Variants in STAT4 observed in about 807,000 individuals in gnomAD.
STAT4 encodes signal transducer and activator of transcription 4.
STAT4 carries 42 observed loss-of-function variants against 110.5 expected under a neutral mutation model. The ratio of observed to expected loss-of-function variants is 0.38; its 90% CI spans 0.30 to 0.49. The LOEUF (loss-of-function observed/expected upper bound fraction) is 0.49. Ranked by LOEUF, STAT4 falls within the 20% of genes least tolerant of loss-of-function variation. The pLI, the probability that STAT4 is intolerant of heterozygous loss-of-function variation, is 0.95. For missense variants in STAT4, 632 were observed against 887.9 expected (o/e 0.71, Z 3.66); for synonymous variants, 284 against 302.2 (o/e 0.94, Z 0.63).
At chr2:191,132,329 C>A (rs1246568792) in intron 3 of STAT4, among the ~76,000 whole-genome samples, 8 of 151,768 alleles carry the variant, frequency 5.3e-5, no homozygotes. Flanking sequence ...AAAAGTAAAC[C>A]AAGAACTTTA....
chr2:191,117,491 T>C lies in STAT4; in HGVS notation c.273+29122A>G, dbSNP rs1698603379. Among the ~76,000 whole-genome samples, 1 of 152,200 alleles carries C rather than the reference T, an allele frequency of 6.6e-6. No individual in the cohort carries two copies. The highest frequency in any genetic ancestry group is 1.5e-5 in the Non-Finnish European group (1 of 68,036). ...TATCTTTATTACTGTAAGTCGATTCTCATCTATCTAAAGTAATTGCAGCAT... is the reference window on the plus strand; with the variant it reads ...TATCTTTATTACTGTAAGTCGATTCCCATCTATCTAAAGTAATTGCAGCAT... On this transcript the variant is annotated intron_variant, in intron 3 of 23. Transcript: ENST00000392320. This position sits in a 1 kb window ranked among gnomAD's most constrained non-coding sequence, Gnocchi z 5.2.
rs1698362497 is a variant in STAT4, at chr2:191,109,276, GTTTTTTGT to G, written c.274-32959_274-32952del. ...AGAAACTTATAAAATATAATGACAGGTTTTTTGTTTTTTTGTTTTGTTTTGTTTTTTGT... is the reference window on the plus strand; with the variant it reads ...AGAAACTTATAAAATATAATGACAGGTTTTTTGTTTTGTTTTGTTTTTTGT... On this transcript the variant is annotated intron_variant, in intron 3 of 23. Transcript: ENST00000392320. 4.6e-5 allele frequency among the ~76,000 whole-genome samples: 7 copies of G among 151,758 alleles called. No individual in the cohort carries two copies. In the South Asian group the frequency reaches 1.5e-3, roughly 32 times the overall value.
chr2:191,082,605 T>A lies in STAT4; in HGVS notation c.274-6280A>T, dbSNP rs957518358. Among the ~76,000 whole-genome samples the A allele has an allele frequency of 3.3e-5, 5 of 152,258 alleles. No homozygotes were observed. The highest frequency in any genetic ancestry group is 2.0e-4 in the Admixed American group (3 of 15,284). On this transcript the variant is annotated intron_variant, in intron 3 of 23. Coordinates refer to ENST00000392320, the MANE Select transcript of STAT4 (RefSeq NM_003151.4). The surrounding 1 kb of genome is among the most constrained non-coding windows in gnomAD (Gnocchi z 4.7). ...GTGGAGAACAGTGTCATAGAATCCA[T>A]GAACATGCTATTTATTCTTTTTGCT...
intron 17 of STAT4, 80 bp from the exon 18 acceptor site, chr2:191,034,677 T>C (rs1695996770): frequency 1.9e-6 from 2 of 1,055,604 alleles, no homozygotes; most frequent in African/African-American, 1.6e-5. Flanking sequence ...ATATTTTGCC[T>C]CTTCCCTTTC....
chr2:191,093,782 CA>C (rs2125315202), intron 3 of STAT4, among the ~76,000 whole-genome samples: 1 of 152,276 alleles, frequency 6.6e-6, no homozygotes, highest in South Asian at 2.1e-4. Context: ...TCAGTAATAA[CA>C]AACTTCTCCG....
intron 3 of STAT4, among the ~76,000 whole-genome samples, chr2:191,100,004 T>C (rs1351450597): frequency 6.6e-6 from 1 of 152,170 alleles, no homozygotes; most frequent in Non-Finnish European, 1.5e-5. Context: ...AGATTTGCAT[T>C]ATTTAAGCAA....
At chr2:191,064,625 G>A (rs939917527) in intron 8 of STAT4, among the ~76,000 whole-genome samples, 182 bp downstream of exon 8, 2 of 152,156 alleles carry the variant, frequency 1.3e-5, no homozygotes, top group Non-Finnish European at 2.9e-5. Context: ...TTCCCCATGA[G>A]AATGAAAACT....
rs1699495724 is a variant in STAT4 at position 191,147,772 on chromosome 2, T to G, written c.128+304A>C. On this transcript the variant is annotated intron_variant, in intron 2 of 23. Coordinates refer to ENST00000392320, the MANE Select transcript of STAT4 (RefSeq NM_003151.4). This position sits in a 1 kb window ranked among gnomAD's most constrained non-coding sequence, Gnocchi z 4.1. Reference sequence around the variant, plus strand: ...CTGAGAAAAAAATATTGATTTACATTGAGTCTGTGATAGAGAACTGACAAT... The same window carrying G: ...CTGAGAAAAAAATATTGATTTACATGGAGTCTGTGATAGAGAACTGACAAT... Among the ~76,000 whole-genome samples the G allele has an allele frequency of 6.6e-6, 1 of 152,188 alleles. No homozygotes were observed. The highest frequency in any genetic ancestry group is 1.5e-5 in the Non-Finnish European group (1 of 68,022).
intron 6 of STAT4, chr2:191,068,092 G>C (rs1697044759): frequency 6.6e-6 from 1 of 152,086 alleles, no homozygotes; most frequent in African/African-American, 2.4e-5. Context: ...ATAATAGCTT[G>C]TTTCCCTTGT....
rs1282791346 is a variant in STAT4 at position 191,033,257 on chromosome 2, C to T, written c.1853-108G>A. ...ATGCCACTGGAGTGACTTGTCAGTT[C>T]ATGTCACTTCAATGTCAGACCTTCT... is the stretch of plus-strand genomic sequence containing the variant. On this transcript the variant is annotated intron_variant, in intron 20 of 23. Coordinates refer to ENST00000392320, the MANE Select transcript of STAT4 (RefSeq NM_003151.4). This position sits in a 1 kb window ranked among gnomAD's most constrained non-coding sequence, Gnocchi z 6.9. 2 of 1,244,290 alleles carry T rather than the reference C, an allele frequency of 1.6e-6. No homozygotes were observed. The highest frequency in any genetic ancestry group is 2.5e-5 in the East Asian group (1 of 40,426). The allele number at this position is 1,244,290 out of a possible 1,614,324, so 77.1% of individuals were successfully genotyped here.
rs1210280812 is a variant in STAT4, at chr2:191,060,205, T to G, written c.1035-1436A>C. On this transcript the variant is annotated intron_variant, in intron 10 of 23. Transcript: ENST00000392320. This position sits in a 1 kb window ranked among gnomAD's most constrained non-coding sequence, Gnocchi z 4.5. ...GCTGATTCAGAGTGCCTCTTCCACT[T>G]AGAATTTTTTTGCTAGGCAATCCCT... Among the ~76,000 whole-genome samples, 2 of 152,048 alleles carry G rather than the reference T, an allele frequency of 1.3e-5. No individual in the cohort carries two copies. The highest frequency in any genetic ancestry group is 2.9e-5 in the Non-Finnish European group (2 of 67,996).
chr2:191,043,078 C>T lies in STAT4; in HGVS notation c.1252-1930G>A, dbSNP rs553004476. 6.6e-5 allele frequency among the ~76,000 whole-genome samples: 10 copies of T among 152,288 alleles called. No homozygotes were observed. The South Asian group carries it at 1.2e-3, about 19-fold the overall frequency. The stretch of plus-strand genomic sequence containing the variant: ...ACAGGCGTGAGCCACTGCGCCCGGC[C>T]GTATTCTCTATTCCTGTATATATTT... On this transcript the variant is annotated intron_variant, in intron 14 of 23. Coordinates refer to ENST00000392320, the MANE Select transcript of STAT4 (RefSeq NM_003151.4). The surrounding 1 kb of genome is among the most constrained non-coding windows in gnomAD (Gnocchi z 4.8).
At chr2:191,034,190 A>G (rs367847149) in intron 18 of STAT4, among the ~76,000 whole-genome samples, 185 bp from the exon 19 acceptor site, 1 of 152,314 alleles carries the variant, frequency 6.6e-6, no homozygotes, top group East Asian at 1.9e-4. Flanking sequence ...TGGGAGGCCA[A>G]GGCGGGCAGA....
At chr2:191,075,621 T>G (rs551291883) in intron 4 of STAT4, among the ~76,000 whole-genome samples, 2 of 151,926 alleles carry the variant, frequency 1.3e-5, no homozygotes, top group Non-Finnish European at 2.9e-5. Context: ...TGGAACAGAG[T>G]GTGGCCAGTA....
intron 3 of STAT4, among the ~76,000 whole-genome samples, chr2:191,098,267 A>C (rs531335399): frequency 9.2e-5 from 14 of 152,250 alleles, no homozygotes; most frequent in Non-Finnish European, 4.4e-5. Flanking sequence ...TACTGGGTAT[A>C]CATCCAAAGG....
chr2:191,121,132 A>T (rs138475316), intron 3 of STAT4, among the ~76,000 whole-genome samples: 5 of 152,066 alleles, frequency 3.3e-5, no homozygotes, highest in Non-Finnish European at 7.4e-5. Context: ...GACACTTCTC[A>T]AAAGAAGACA....
intron 5 of STAT4, among the ~76,000 whole-genome samples, 196 bp from the exon 6 acceptor site, chr2:191,069,967 C>A (rs559607183): frequency 1.3e-5 from 2 of 152,116 alleles, no homozygotes; most frequent in Non-Finnish European, 2.9e-5. Context: ...TTGAACTTGC[C>A]CTTCCAGCTA....
intron 14 of STAT4, among the ~76,000 whole-genome samples, chr2:191,049,697 G>C (rs930885291): frequency 6.6e-6 from 1 of 152,166 alleles, no homozygotes; most frequent in East Asian, 1.9e-4. Context: ...CAGTGGGTTA[G>C]ATCCTGGGAA....
chr2:191,062,010 CTTAA>C lies in STAT4; in HGVS notation c.942-193_942-190del, dbSNP rs1417194572. Among the ~76,000 whole-genome samples, 2 of 152,268 alleles carry C rather than the reference CTTAA, an allele frequency of 1.3e-5. No homozygotes were observed. Among genetic ancestry groups the C allele is most frequent in the African/African-American group, 4.8e-5 (2 of 41,552 alleles). ...AATCATTTCACAGCAGTAAATGATT[CTTAA>C]TTGTTATAATTGAGTCATGAATAAA... On this transcript the variant is annotated intron_variant, in intron 9 of 23. Transcript: ENST00000392320. This position sits in a 1 kb window ranked among gnomAD's most constrained non-coding sequence, Gnocchi z 4.9.
Sources: allele counts gnomAD v4.1 joint callset (sites outside exome capture counted in the v4.1 genomes callset), GRCh38; gene constraint gnomAD v4.1.1; non-coding constraint Gnocchi (gnomAD v3.1); transcripts MANE v1.5; gene names NCBI Gene and HGNC (gene_info 2026-07-23, HGNC 2026-07-21).